The following CACNA1A variants were observed in gnomAD, a reference collection of about 807,000 sequenced individuals.
CACNA1A encodes calcium voltage-gated channel subunit alpha1 A, also known as voltage-dependent P/Q-type calcium channel subunit alpha-1A.
In CACNA1A, 57 loss-of-function variants were observed where a neutral mutation model predicts 262.4. The ratio of observed to expected loss-of-function variants is 0.22; its 90% CI spans 0.18 to 0.27. The LOEUF (loss-of-function observed/expected upper bound fraction) is 0.27. Ranked by LOEUF, CACNA1A falls within the 10% of genes least tolerant of loss-of-function variation. The pLI, the probability that CACNA1A is intolerant of heterozygous loss-of-function variation, is 1.00. For missense variants in CACNA1A, 2,526 were observed against 3,562.8 expected, an observed-to-expected ratio of 0.71 and a Z score of 7.41; for synonymous variants, 1,431 against 1,419.3, an observed-to-expected ratio of 1.01 and a Z score of -0.18.
chr19:13,292,706 T>C (rs1390597623), intron 19 of CACNA1A, among the ~76,000 whole-genome samples: 2 of 151,888 alleles, frequency 1.3e-5, no homozygotes, highest in East Asian at 3.9e-4. Context: ...AGAGGAAAAA[T>C]GTACAAGGCA....
chr19:13,496,961 A>G (rs1981607176), intron 1 of CACNA1A, among the ~76,000 whole-genome samples: 2 of 152,152 alleles, frequency 1.3e-5, no homozygotes, highest in South Asian at 4.1e-4. Context: ...TGGGAAACTG[A>G]AGCACAGAAC....
intron 4 of CACNA1A, among the ~76,000 whole-genome samples, chr19:13,367,763 A>T (rs2059243353): frequency 2.0e-5 from 3 of 152,092 alleles, no homozygotes. Context: ...CCCCGAAGGG[A>T]CACAGTGGAA....
chr19:13,402,494 C>G (rs1288227949), intron 3 of CACNA1A, among the ~76,000 whole-genome samples: 1 of 151,420 alleles, frequency 6.6e-6, no homozygotes, highest in Non-Finnish European at 1.5e-5. Flanking sequence ...GAAGAACTTA[C>G]TCATGCAACC....
intron 1 of CACNA1A, among the ~76,000 whole-genome samples, chr19:13,464,775 C>A (rs1264860251): frequency 2.0e-5 from 3 of 152,002 alleles, no homozygotes; most frequent in Non-Finnish European, 1.5e-5. Context: ...GTCTCGATCT[C>A]CTGACCTTGT....
chr19:13,361,072 A>G (rs1426982648), intron 5 of CACNA1A, among the ~76,000 whole-genome samples: 1 of 152,034 alleles, frequency 6.6e-6, no homozygotes, highest in African/African-American at 2.4e-5. Flanking sequence ...TGTCAAGCGC[A>G]TTGTGTTATT....
rs143240834 is a variant in CACNA1A at position 13,463,873 on chromosome 19, T to A, written c.294-8661A>T. Reference sequence around the variant, plus strand: ...AGTAGTGCAGAGGAGTTGAAAGGATTTGGGGATCAGACGTGGCCTTGACCT... The same window carrying A: ...AGTAGTGCAGAGGAGTTGAAAGGATATGGGGATCAGACGTGGCCTTGACCT... On this transcript the variant is annotated intron_variant, in intron 1 of 46. Coordinates refer to ENST00000360228, the MANE Select transcript of CACNA1A (RefSeq NM_001127222.2). 2.0e-3 allele frequency among the ~76,000 whole-genome samples: 298 copies of A among 152,248 alleles called. 1 individual carries two copies. The highest frequency in any genetic ancestry group is 6.8e-3 in the African/African-American group (281 of 41,540).
At chr19:13,476,243 C>A (rs1462916344) in intron 1 of CACNA1A, among the ~76,000 whole-genome samples, 5 of 152,178 alleles carry the variant, frequency 3.3e-5, no homozygotes. Flanking sequence ...TTCTTCTGAT[C>A]ATTCCTCCCC....
intron 19 of CACNA1A, among the ~76,000 whole-genome samples, chr19:13,288,547 C>T (rs760264947): frequency 3.9e-5 from 6 of 152,016 alleles, no homozygotes; most frequent in Non-Finnish European, 8.8e-5. Context: ...ATAGAGCCAC[C>T]GTGCCTGGCC....
At chr19:13,222,712 T>A (rs2055280560) in intron 38 of CACNA1A, among the ~76,000 whole-genome samples, 1 of 148,824 alleles carries the variant, frequency 6.7e-6, no homozygotes, top group Admixed American at 6.7e-5. Flanking sequence ...TTTTTTTTTT[T>A]GAGACAGCGT....
At chr19:13,452,143 A>C (rs2060927863) in intron 3 of CACNA1A, 1 of 152,024 alleles carries the variant, frequency 6.6e-6, no homozygotes, top group South Asian at 2.1e-4. Flanking sequence ...CTCAATTTTG[A>C]ATTTTCTATG....
rs568253756 is a variant in CACNA1A at position 13,347,615 on chromosome 19, C to T, written c.979-11706G>A. 5.3e-5 allele frequency among the ~76,000 whole-genome samples: 8 copies of T among 152,320 alleles called. No individual in the cohort carries two copies. In the East Asian group the frequency reaches 5.8e-4, roughly 11 times the overall value. Reference sequence around the variant, plus strand: ...GCTACAGGAGCAGATTGAGTCGTTGCGATGGAGACCATCTGGCCCACAAAG... The same window carrying T: ...GCTACAGGAGCAGATTGAGTCGTTGTGATGGAGACCATCTGGCCCACAAAG... On this transcript the variant is annotated intron_variant, in intron 6 of 46. Transcript: ENST00000360228.
chr19:13,488,525 A>G (rs958175935), intron 1 of CACNA1A, among the ~76,000 whole-genome samples: 2 of 148,426 alleles, frequency 1.3e-5, no homozygotes, highest in Admixed American at 1.3e-4. Context: ...CAGCCTCCCA[A>G]GTAGCTGGGA....
chr19:13,506,086 T>C lies in CACNA1A; in HGVS notation c.139A>G (p.Met47Val). ...RQGGQPGAQR[M>V]YKQSMAQRAR... ...CTCTGCGCCATTGACTGCTTGTACATCCTTTGCGCCCCGGGCTGCCCGCCC... is the reference window on the plus strand; with the variant it reads ...CTCTGCGCCATTGACTGCTTGTACACCCTTTGCGCCCCGGGCTGCCCGCCC... Residue 47 changes from methionine to valine, a missense_variant, in exon 1 of 47, where the codon ATG (methionine) becomes GTG (valine). Transcript: ENST00000360228. 6.2e-7 allele frequency: 1 copy of C among 1,613,596 alleles called. No homozygotes were observed. Among genetic ancestry groups the C allele is most frequent in the Non-Finnish European group, 8.5e-7 (1 of 1,179,754 alleles).
At position 13,214,350 on chromosome 19, in the gene CACNA1A, G is replaced by A. The variant is rs556502230; in HGVS notation, c.5840-17C>T. The A allele has an allele frequency of 6.1e-5, 98 of 1,610,600 alleles. No homozygotes were observed. The highest frequency in any genetic ancestry group is 1.6e-4 in the Middle Eastern group (1 of 6,082). ...GGTCCGTGGCTGGGGGCACACACAC[G>A]GTGAGCTCACCAAGGGCAGGCCTCT... On this transcript the variant is annotated splice_polypyrimidine_tract_variant and intron_variant, in intron 39 of 46. Coordinates refer to ENST00000360228, the MANE Select transcript of CACNA1A (RefSeq NM_001127222.2). This position sits in a 1 kb window ranked among gnomAD's most constrained non-coding sequence, Gnocchi z 4.1.
At chr19:13,259,343 G>GTTTTTTTTT (rs2056664612) in intron 27 of CACNA1A, 2 of 79,844 alleles carry the variant, frequency 2.5e-5, no homozygotes, top group Non-Finnish European at 4.5e-5. Context: ...TTTTTTTTTT[G>GTTTTTTTTT]GGATTTTTAG....
intron 10 of CACNA1A, among the ~76,000 whole-genome samples, chr19:13,326,330 A>G (rs1198043418): frequency 6.8e-6 from 1 of 146,888 alleles, no homozygotes; most frequent in Non-Finnish European, 1.5e-5. Flanking sequence ...AAAAGAAAAA[A>G]AAGAAAAAAA....
In CACNA1A at chr19:13,214,350, G is replaced by T. The variant is rs556502230; in HGVS notation, c.5840-17C>A. 4.3e-6 allele frequency: 7 copies of T among 1,610,716 alleles called. No homozygotes were observed. The African/African-American group carries it at 8.0e-5, about 18-fold the overall frequency. ...GGTCCGTGGCTGGGGGCACACACAC[G>T]GTGAGCTCACCAAGGGCAGGCCTCT... On this transcript the variant is annotated splice_polypyrimidine_tract_variant and intron_variant, in intron 39 of 46. Transcript: ENST00000360228. This position sits in a 1 kb window ranked among gnomAD's most constrained non-coding sequence, Gnocchi z 4.1.
chr19:13,220,967 CAA>C (rs2055196000), intron 38 of CACNA1A, among the ~76,000 whole-genome samples: 2 of 151,710 alleles, frequency 1.3e-5, no homozygotes, highest in African/African-American at 4.8e-5. Context: ...CTGGCATTAA[CAA>C]TATCTGTCCT....
chr19:13,262,545 AT>A, intron 25 of CACNA1A, 188 bp downstream of exon 25: 1 of 581,332 alleles, frequency 1.7e-6, no homozygotes, highest in Non-Finnish European at 3.1e-6. Context: ...TACACAGATT[AT>A]TTTAGGTCAG....
Sources: allele counts gnomAD v4.1 joint callset (sites outside exome capture counted in the v4.1 genomes callset), GRCh38; gene constraint gnomAD v4.1.1; non-coding constraint Gnocchi (gnomAD v3.1); transcripts MANE v1.5; gene names NCBI Gene and HGNC (gene_info 2026-07-23, HGNC 2026-07-21).